Variants in ALKBH3 observed in about 807,000 individuals in gnomAD.
ALKBH3 encodes alpha-ketoglutarate-dependent dioxygenase alkB homolog 3.
Under a neutral mutation model 43.9 loss-of-function variants are expected in ALKBH3, and 51 were observed. The observed-to-expected ratio is 1.16, with a 90% CI of 0.93 to 1.47. The LOEUF (loss-of-function observed/expected upper bound fraction) is 1.47, where lower values mean the gene tolerates loss of function less well. ALKBH3 is among the 40% of genes most tolerant of loss of function. The pLI is 0.00. For missense variants in ALKBH3, 361 were observed against 351.9 expected, an observed-to-expected ratio of 1.03 and a Z score of -0.21; for synonymous variants, 102 against 115.2, an observed-to-expected ratio of 0.89 and a Z score of 0.73.
intron 5 of ALKBH3, among the ~76,000 whole-genome samples, chr11:43,887,932 G>A (rs1229878433): frequency 6.6e-6 from 1 of 151,698 alleles, no homozygotes. Flanking sequence ...GGGACTACAG[G>A]CACGTGCCAC....
intron 8 of ALKBH3, among the ~76,000 whole-genome samples, chr11:43,906,354 TAGAAA>T (rs1200383905): frequency 6.6e-6 from 1 of 152,172 alleles, no homozygotes; most frequent in Non-Finnish European, 1.5e-5. Flanking sequence ...TGTAAGACTT[TAGAAA>T]AGAAGATATT....
chr11:43,897,768 T>G (rs1951829765), intron 7 of ALKBH3: 3 of 803,944 alleles, frequency 3.7e-6, no homozygotes, highest in African/African-American at 1.7e-5. Flanking sequence ...ATTTTCCAAT[T>G]GCTATACCGT....
Position 43,892,061 on chromosome 11 carries a change from A to G in ALKBH3, c.391A>G (p.Arg131Gly), listed in dbSNP as rs1270412219. 1 of 1,613,334 alleles carries G rather than the reference A, an allele frequency of 6.2e-7. No homozygotes were observed. Among genetic ancestry groups the G allele is most frequent in the South Asian group, 1.1e-5 (1 of 91,056 alleles). The change falls in exon 7 of 10, where the codon AGA becomes GGA. Residue 131 changes from arginine to glycine, a missense_variant. Transcript: ENST00000302708. The part of the protein sequence containing the change: ...IREDITYQQP[R>G]LTAWYGELPY... ...CTTAGATATAACTTATCAGCAACCA[A>G]GACTTACAGCATGGTATGGAGAACT... is the stretch of plus-strand genomic sequence containing the variant.
chr11:43,919,700 T>C (rs1021919686), intron 9 of ALKBH3: 1 of 480,270 alleles, frequency 2.1e-6, no homozygotes, highest in Non-Finnish European at 3.7e-6. Flanking sequence ...GATGAAAATA[T>C]CTCACTTCAG....
At chr11:43,899,368 G>C (rs752356848) in intron 7 of ALKBH3, 93 of 701,334 alleles carry the variant, frequency 1.3e-4, no homozygotes, top group South Asian at 2.9e-4. Context: ...GCCTGCCCCA[G>C]GTGGATGATG....
Position 43,889,777 on chromosome 11 carries a change from G to A in ALKBH3, c.319G>A (p.Glu107Lys). 2.5e-6 allele frequency: 4 copies of A among 1,614,010 alleles called. No individual in the cohort carries two copies. Among genetic ancestry groups the A allele is most frequent in the Non-Finnish European group, 3.4e-6 (4 of 1,179,964 alleles). ...VDVKEADWIL[E>K]QLCQDVPWKQ... ...CGTGAAAGAAGCTGACTGGATATTGGAACAGCTTTGTCAAGATGTTCCCTG... is the reference window on the plus strand; with the variant it reads ...CGTGAAAGAAGCTGACTGGATATTGAAACAGCTTTGTCAAGATGTTCCCTG... The change falls in exon 6 of 10, where the codon GAA becomes AAA. Residue 107 changes from glutamate to lysine, a missense_variant. Coordinates refer to ENST00000302708, the MANE Select transcript of ALKBH3 (RefSeq NM_139178.4).
intron 8 of ALKBH3, among the ~76,000 whole-genome samples, chr11:43,906,679 T>G (rs1951898113): frequency 1.3e-5 from 2 of 152,326 alleles, no homozygotes; most frequent in Non-Finnish European, 2.9e-5. Flanking sequence ...AGACCCCATC[T>G]CTATTTTTTT....
In ALKBH3 at chr11:43,892,027, A is replaced by C; in HGVS notation, c.371-14A>C. On this transcript the variant is annotated splice_polypyrimidine_tract_variant and intron_variant, in intron 6 of 9. Transcript: ENST00000302708. ...GCATTAAACCATTTCAAAGGCCTGT[A>C]TTTTCTTTCTTAGATATAACTTATC... 1 of 1,598,004 alleles carries C rather than the reference A, an allele frequency of 6.3e-7. No homozygotes were observed. Among genetic ancestry groups the C allele is most frequent in the East Asian group, 2.2e-5 (1 of 44,772 alleles).
In ALKBH3 at chr11:43,882,746, G is replaced by A. The variant is rs1951720575; in HGVS notation, c.79+15G>A. The A allele has an allele frequency of 6.2e-7, 1 of 1,606,280 alleles. No individual in the cohort carries two copies. On this transcript the variant is annotated intron_variant, in intron 2 of 9. Transcript: ENST00000302708. ...TGCTCAGCCAGGCAAGAATCTGTAG[G>A]GATTTTGTGTGTGTGTGGATATGGA...
chr11:43,889,496 CT>C (rs1180471588), intron 5 of ALKBH3, among the ~76,000 whole-genome samples: 2 of 152,178 alleles, frequency 1.3e-5, no homozygotes, highest in Non-Finnish European at 2.9e-5. Context: ...CCTATCATCC[CT>C]TTATCCTTCA....
At chr11:43,914,254 T>C (rs1748561837) in intron 8 of ALKBH3, among the ~76,000 whole-genome samples, 2 of 152,238 alleles carry the variant, frequency 1.3e-5, no homozygotes, top group South Asian at 2.1e-4. Context: ...GCCCTCCTGC[T>C]AGCTTTTGCC....
At chr11:43,914,388 C>T (rs1316805386) in intron 8 of ALKBH3, among the ~76,000 whole-genome samples, 1 of 152,142 alleles carries the variant, frequency 6.6e-6, no homozygotes, top group African/African-American at 2.4e-5. Context: ...GCCTGATGTG[C>T]CTGGCACCTG....
Position 43,919,901 on chromosome 11 carries a change from T to A in ALKBH3, c.769-17T>A. On this transcript the variant is annotated splice_polypyrimidine_tract_variant and intron_variant, in intron 9 of 9. Coordinates refer to ENST00000302708, the MANE Select transcript of ALKBH3 (RefSeq NM_139178.4). ...TATGTGTGTATTTATGTCAGAGTTA[T>A]GTGTATTTCCATTTAGCATCGAGTG... The A allele has an allele frequency of 6.2e-7, 1 of 1,605,958 alleles. No individual in the cohort carries two copies. The highest frequency in any genetic ancestry group is 8.5e-7 in the Non-Finnish European group (1 of 1,172,588).
At chr11:43,913,098 C>G (rs1951952978) in intron 8 of ALKBH3, among the ~76,000 whole-genome samples, 1 of 148,742 alleles carries the variant, frequency 6.7e-6, no homozygotes, top group Non-Finnish European at 1.5e-5. Context: ...TAAATAATTT[C>G]CAGTTGTTAA....
At position 43,882,735 on chromosome 11, in the gene ALKBH3, A is replaced by G. The variant is rs773492606; in HGVS notation, c.79+4A>G. 3.7e-6 allele frequency: 6 copies of G among 1,610,192 alleles called. No individual in the cohort carries two copies. The highest frequency in any genetic ancestry group is 2.2e-5 in the East Asian group (1 of 44,778). The stretch of plus-strand genomic sequence containing the variant: ...AGCCAGGCCATTGCTCAGCCAGGCA[A>G]GAATCTGTAGGGATTTTGTGTGTGT... On this transcript the variant is annotated splice_donor_region_variant and intron_variant, in intron 2 of 9. Transcript: ENST00000302708.
chr11:43,889,946 A>T, intron 6 of ALKBH3, 118 bp downstream of exon 6: 1 of 868,254 alleles, frequency 1.2e-6, no homozygotes, highest in South Asian at 1.7e-5. Context: ...AAAACCTGAG[A>T]TCCTAAGAAA....
chr11:43,910,958 T>TTATA (rs1951933756), intron 8 of ALKBH3, among the ~76,000 whole-genome samples: 2 of 152,320 alleles, frequency 1.3e-5, no homozygotes, highest in Admixed American at 1.3e-4. Flanking sequence ...GTGTCAGGTA[T>TTATA]TATACTATGC....
intron 7 of ALKBH3, among the ~76,000 whole-genome samples, chr11:43,894,155 T>C (rs1951802688): frequency 6.6e-6 from 1 of 152,184 alleles, no homozygotes; most frequent in African/African-American, 2.4e-5. Context: ...CTTGTTTTAG[T>C]TTTTGTTCAA....
intron 4 of ALKBH3, 109 bp from the exon 5 acceptor site, chr11:43,886,497 A>G (rs1951747274): frequency 2.0e-6 from 2 of 1,014,076 alleles, no homozygotes; most frequent in Admixed American, 2.0e-5. Context: ...TCATAACTAA[A>G]TGACTTTGGT....
Sources: gnomAD v4.1 joint callset for allele counts (sites outside exome capture counted in the v4.1 genomes callset) on GRCh38, gnomAD v4.1.1 for gene constraint, MANE v1.5 for transcripts, NCBI Gene and HGNC (gene_info 2026-07-23, HGNC 2026-07-21) for gene names.